SERGEF: variants seen among roughly 807,000 people sequenced by gnomAD.
SERGEF encodes the protein secretion regulating guanine nucleotide exchange factor.
SERGEF carries 51 observed loss-of-function variants against 50.0 expected under a neutral mutation model. The ratio of observed to expected loss-of-function variants is 1.02; its 90% CI spans 0.81 to 1.29. SERGEF has a LOEUF of 1.29. Ranked by LOEUF, SERGEF falls within the 50% of genes most tolerant of loss-of-function variation. The probability of loss-of-function intolerance (pLI) is 0.00; values close to 1 mark genes in which losing one functional copy is unlikely to be tolerated. For missense variants in SERGEF, 521 were observed against 557.0 expected, an observed-to-expected ratio of 0.94 and a Z score of 0.65; for synonymous variants, 205 against 212.4, an observed-to-expected ratio of 0.97 and a Z score of 0.30.
chr11:17,944,444 G>C (rs578055748), intron 9 of SERGEF, among the ~76,000 whole-genome samples: 124 of 152,272 alleles, frequency 8.1e-4, no homozygotes, highest in African/African-American at 2.8e-3. Flanking sequence ...ACAACAAAAG[G>C]ATCCAGTTCA....
intron 10 of SERGEF, among the ~76,000 whole-genome samples, chr11:17,803,143 C>A (rs1411627819): frequency 1.3e-5 from 2 of 152,234 alleles, no homozygotes; most frequent in African/African-American, 2.4e-5. Flanking sequence ...TGTGTGCACA[C>A]CCACACATGT....
At chr11:17,951,747 C>T (rs1011537694) in intron 9 of SERGEF, among the ~76,000 whole-genome samples, 4 of 152,144 alleles carry the variant, frequency 2.6e-5, no homozygotes, top group African/African-American at 9.7e-5. Flanking sequence ...GGTTCAAGTC[C>T]CTGTTCTGCC....
intron 10 of SERGEF, among the ~76,000 whole-genome samples, chr11:17,842,573 A>T (rs1261014195): frequency 6.6e-6 from 1 of 152,184 alleles, no homozygotes; most frequent in Non-Finnish European, 1.5e-5. Flanking sequence ...CTCAGAGAGG[A>T]TTTGCTAAAA....
chr11:17,956,426 C>T (rs1390726076), intron 9 of SERGEF, among the ~76,000 whole-genome samples: 2 of 152,230 alleles, frequency 1.3e-5, no homozygotes, highest in Non-Finnish European at 1.5e-5. Flanking sequence ...TTTACCCATT[C>T]TTAGCCTTAG....
intron 8 of SERGEF, among the ~76,000 whole-genome samples, chr11:17,965,222 G>C (rs1219189851): frequency 6.6e-6 from 1 of 152,188 alleles, no homozygotes; most frequent in African/African-American, 2.4e-5. Flanking sequence ...AGTTTTGTAA[G>C]TGTCTGGCAT....
At chr11:17,893,663 C>T (rs926997466) in intron 9 of SERGEF, among the ~76,000 whole-genome samples, 5 of 152,192 alleles carry the variant, frequency 3.3e-5, no homozygotes, top group Non-Finnish European at 7.3e-5. Flanking sequence ...CTAGTATCCA[C>T]GTGCAGAAAG....
chr11:17,839,645 T>C (rs2133861266), intron 10 of SERGEF, among the ~76,000 whole-genome samples: 1 of 152,150 alleles, frequency 6.6e-6, no homozygotes, highest in South Asian at 2.1e-4. Context: ...TGTGGAGCAA[T>C]GAATGTTCTC....
At chr11:17,879,920 G>T (rs1238370677) in intron 9 of SERGEF, among the ~76,000 whole-genome samples, 1 of 152,164 alleles carries the variant, frequency 6.6e-6, no homozygotes, top group African/African-American at 2.4e-5. Context: ...TCTCCCACAA[G>T]TTCCTTTGGT....
chr11:17,873,878 G>C (rs1421113981), intron 10 of SERGEF, among the ~76,000 whole-genome samples: 1 of 152,216 alleles, frequency 6.6e-6, no homozygotes, highest in Non-Finnish European at 1.5e-5. Flanking sequence ...ACATCAGGAA[G>C]AAGGCAAGCA....
chr11:17,884,137 G>A lies in SERGEF; in HGVS notation c.1012-5893C>T, dbSNP rs963626089. Among the ~76,000 whole-genome samples, 4 of 152,210 alleles carry A rather than the reference G, an allele frequency of 2.6e-5. No homozygotes were observed. Among genetic ancestry groups the A allele is most frequent in the African/African-American group, 7.2e-5 (3 of 41,464 alleles). On this transcript the variant is annotated intron_variant, in intron 9 of 10. Coordinates refer to ENST00000265965, the MANE Select transcript of SERGEF (RefSeq NM_012139.4). This position sits in a 1 kb window ranked among gnomAD's most constrained non-coding sequence, Gnocchi z 4.6. ...CCCAGGGTGCCAGATGGACAGCGAG[G>A]CCTGCTGATTGGTTCTCGCCGGGTG...
intron 8 of SERGEF, among the ~76,000 whole-genome samples, chr11:17,971,903 T>C (rs1853255657): frequency 6.6e-6 from 1 of 152,186 alleles, no homozygotes; most frequent in Non-Finnish European, 1.5e-5. Flanking sequence ...TCAAATAACA[T>C]TAACAGGAGT....
At chr11:17,917,030 T>C (rs968768653) in intron 9 of SERGEF, among the ~76,000 whole-genome samples, 3 of 152,148 alleles carry the variant, frequency 2.0e-5, no homozygotes, top group African/African-American at 7.2e-5. Context: ...GAACTAAAAG[T>C]AGAACTACCA....
At chr11:17,851,517 G>C (rs556482225) in intron 10 of SERGEF, among the ~76,000 whole-genome samples, 1 of 152,090 alleles carries the variant, frequency 6.6e-6, no homozygotes, top group African/African-American at 2.4e-5. Flanking sequence ...GTGACTGTGG[G>C]GCCCTGTGTG....
At chr11:17,830,533 T>A (rs1458455422) in intron 10 of SERGEF, among the ~76,000 whole-genome samples, 3 of 139,696 alleles carry the variant, frequency 2.1e-5, no homozygotes, top group African/African-American at 5.4e-5. Context: ...GGCAAGAGAG[T>A]GAGAGAGAGG....
intron 8 of SERGEF, among the ~76,000 whole-genome samples, chr11:17,976,450 AATTTTCAT>A (rs1352290199): frequency 1.8e-3 from 241 of 137,010 alleles, no homozygotes; most frequent in African/African-American, 6.1e-3. Flanking sequence ...CACCTCGGCT[AATTTTCAT>A]TTTTTTTTTT....
chr11:17,971,487 G>A (rs989629459), intron 8 of SERGEF, among the ~76,000 whole-genome samples: 13 of 152,198 alleles, frequency 8.5e-5, no homozygotes, highest in African/African-American at 3.1e-4. Context: ...CTCTGCCTGT[G>A]CTCCAGAAAT....
intron 8 of SERGEF, among the ~76,000 whole-genome samples, chr11:17,969,911 C>T (rs927303799): frequency 6.6e-6 from 1 of 152,174 alleles, no homozygotes; most frequent in Non-Finnish European, 1.5e-5. Context: ...CAGAAGAAAC[C>T]TTAGAGAACT....
chr11:17,804,310 C>A (rs1288021321), intron 10 of SERGEF, among the ~76,000 whole-genome samples: 2 of 152,184 alleles, frequency 1.3e-5, no homozygotes, highest in Non-Finnish European at 2.9e-5. Flanking sequence ...ATGAAACAGG[C>A]AGCACTGAAG....
At chr11:17,902,508 T>A (rs543466813) in intron 9 of SERGEF, among the ~76,000 whole-genome samples, 23 of 152,216 alleles carry the variant, frequency 1.5e-4, no homozygotes, top group Non-Finnish European at 2.4e-4. Context: ...AGCACTCTCA[T>A]CAAGCTGAAT....
Sources: allele counts gnomAD v4.1 joint callset (sites outside exome capture counted in the v4.1 genomes callset), GRCh38; gene constraint gnomAD v4.1.1; non-coding constraint Gnocchi (gnomAD v3.1); transcripts MANE v1.5; gene names NCBI Gene and HGNC (gene_info 2026-07-23, HGNC 2026-07-21).